The following TMC2 variants were observed in gnomAD, a reference collection of about 807,000 sequenced individuals.
TMC2 encodes transmembrane channel-like protein 2.
Under a neutral mutation model 105.9 loss-of-function variants are expected in TMC2, and 102 were observed. The ratio of observed to expected loss-of-function variants is 0.96; its 90% CI spans 0.82 to 1.14. The LOEUF (loss-of-function observed/expected upper bound fraction) is 1.14. Among genes scored for constraint, TMC2 ranks in the 50% most tolerant of loss-of-function variants. The probability of loss-of-function intolerance (pLI) is 0.00; values close to 1 mark genes in which losing one functional copy is unlikely to be tolerated. For missense variants in TMC2, 1,093 were observed against 1,134.3 expected (o/e 0.96, Z 0.52); for synonymous variants, 402 against 422.8 (o/e 0.95, Z 0.60).
At position 2,606,888 on chromosome 20, in the gene TMC2, TTTC is replaced by T. The variant is rs1408076773; in HGVS notation, c.1414-3528_1414-3526del. 1.2e-3 allele frequency among the ~76,000 whole-genome samples: 123 copies of T among 102,262 alleles called. 4 individuals carry two copies. Among genetic ancestry groups the T allele is most frequent in the African/African-American group, 6.2e-3 (113 of 18,234 alleles). 67.1% of individuals were successfully genotyped at this position (102,262 alleles called of 152,430 possible). A position where few individuals can be genotyped will look rare whatever the true frequency, so the allele number is the denominator to read the frequency against. On this transcript the variant is annotated intron_variant, in intron 11 of 19. Transcript: ENST00000358864. ...AATATAGTTTTCCCTTAATTTCTTT[TTTC>T]TTTTTTTTTTTTTTTTTTTGCAGTA...
intron 5 of TMC2, among the ~76,000 whole-genome samples, chr20:2,573,592 A>G (rs1386044908): frequency 1.7e-5 from 2 of 116,654 alleles, no homozygotes; most frequent in Admixed American, 1.2e-4. Flanking sequence ...ACGGAGTCTC[A>G]CTCTGTTGCC....
At position 2,641,309 on chromosome 20, in the gene TMC2, G is replaced by A. The variant is rs376146430; in HGVS notation, c.2679G>A (p.Trp893Ter). The change falls in exon 20 of 20, where the codon TGG (tryptophan) becomes TGA (stop). Residue 893 changes from tryptophan (W) to a stop codon, truncating the protein, a stop_gained. Coordinates refer to ENST00000358864, the MANE Select transcript of TMC2 (RefSeq NM_080751.3). LOFTEE classifies it high-confidence loss of function. The stretch of plus-strand genomic sequence containing the variant: ...ACGCCCCATCTCAGACTCATCCGTG[G>A]AGGTCAGCCTCTGGAAAGAGTGCTC... ...SGHAPSQTHP[W>*]RSASGKSAQR... 3.1e-6 allele frequency: 5 copies of A among 1,613,976 alleles called. No individual in the cohort carries two copies. The highest frequency in any genetic ancestry group is 1.3e-5 in the African/African-American group (1 of 74,918).
intron 11 of TMC2, among the ~76,000 whole-genome samples, chr20:2,605,636 AT>A (rs2086385369): frequency 6.6e-6 from 1 of 152,200 alleles, no homozygotes; most frequent in Admixed American, 6.5e-5. Context: ...CAAGATACAA[AT>A]TTGTGGGAGG....
intron 1 of TMC2, 31 bp downstream of exon 1, chr20:2,536,686 G>A (rs1235829461): frequency 3.3e-5 from 51 of 1,562,382 alleles, no homozygotes; most frequent in Middle Eastern, 1.7e-4. Flanking sequence ...TGCGGGGCCC[G>A]CCCACAGGGT....
At chr20:2,553,871 T>C (rs1348768413) in intron 2 of TMC2, among the ~76,000 whole-genome samples, 1 of 152,118 alleles carries the variant, frequency 6.6e-6, no homozygotes, top group East Asian at 1.9e-4. Flanking sequence ...GCAATACTCC[T>C]TTATTATCCT....
intron 7 of TMC2, among the ~76,000 whole-genome samples, chr20:2,588,951 C>A (rs1259381501): frequency 6.6e-6 from 1 of 152,076 alleles, no homozygotes; most frequent in Non-Finnish European, 1.5e-5. Context: ...TTTATAGTTT[C>A]CAGTTCTCTA....
intron 16 of TMC2, among the ~76,000 whole-genome samples, chr20:2,623,531 C>T (rs1170667604): frequency 1.3e-5 from 2 of 149,686 alleles, no homozygotes; most frequent in South Asian, 4.2e-4. Flanking sequence ...GAGTGAGACT[C>T]CATCAAAAAA....
intron 17 of TMC2, among the ~76,000 whole-genome samples, chr20:2,624,687 C>T (rs1043005837): frequency 2.6e-5 from 4 of 152,092 alleles, no homozygotes; most frequent in Non-Finnish European, 5.9e-5. Flanking sequence ...CAGCTCCCAG[C>T]GTCATTCATG....
rs1013499047 is a variant in TMC2, at chr20:2,537,322, A to G, written c.82+6A>G. 1 of 1,597,488 alleles carries G rather than the reference A, an allele frequency of 6.3e-7. No homozygotes were observed. Among genetic ancestry groups the G allele is most frequent in the Non-Finnish European group, 8.5e-7 (1 of 1,172,094 alleles). ...GAGCGGCTCTCCACACACAGGTGAG[A>G]TGGGGTGGTGGGGTCTCTGGGGAGC... On this transcript the variant is annotated splice_donor_region_variant and intron_variant, in intron 2 of 19. Transcript: ENST00000358864.
intron 4 of TMC2, among the ~76,000 whole-genome samples, chr20:2,563,316 C>T (rs79221396): frequency 0.06 from 9,199 of 152,252 alleles, 421 homozygotes; most frequent in East Asian, 0.21. Flanking sequence ...ATTATTACGT[C>T]ATCTCCTATA....
intron 3 of TMC2, among the ~76,000 whole-genome samples, chr20:2,561,410 C>A (rs1038788415): frequency 6.6e-6 from 1 of 152,162 alleles, no homozygotes; most frequent in East Asian, 1.9e-4. Flanking sequence ...TGAACAGTGA[C>A]CTTTGAAGAC....
chr20:2,586,847 G>A (rs919319495), intron 7 of TMC2, among the ~76,000 whole-genome samples: 1 of 152,098 alleles, frequency 6.6e-6, no homozygotes, highest in African/African-American at 2.4e-5. Flanking sequence ...TACCATTTTA[G>A]TTGCATGCCA....
At position 2,637,489 on chromosome 20, in the gene TMC2, A is replaced by G; in HGVS notation, c.2401A>G (p.Lys801Glu). Residue 801 changes from lysine to glutamate, a missense_variant, in exon 19 of 20, where the codon AAG (lysine) becomes GAG (glutamate). Transcript: ENST00000358864. The stretch of plus-strand genomic sequence containing the variant: ...TTTCCTGCAGCTCCGTGAAGTTGAG[A>G]AGAGTCACAAATCTGTAAAAGGCAA... ...KKIQVLREVE[K>E]SHKSVKGKAT... is the part of the protein sequence containing the mutation. 6.2e-7 allele frequency: 1 copy of G among 1,613,464 alleles called. No individual in the cohort carries two copies. The highest frequency in any genetic ancestry group is 8.5e-7 in the Non-Finnish European group (1 of 1,179,488).
intron 2 of TMC2, among the ~76,000 whole-genome samples, chr20:2,551,180 A>G (rs1306087570): frequency 6.6e-6 from 1 of 152,144 alleles, no homozygotes; most frequent in Non-Finnish European, 1.5e-5. Flanking sequence ...ATAGTATTTC[A>G]TTGATGTTTT....
In TMC2 at chr20:2,594,833, C is replaced by T; in HGVS notation, c.942C>T (p.Ile314=). The T allele has an allele frequency of 6.2e-7, 1 of 1,614,088 alleles. No individual in the cohort carries two copies. Among genetic ancestry groups the T allele is most frequent in the South Asian group, 1.1e-5 (1 of 91,068 alleles). ...GCTTTGCTGTCCCCCAGGGCTATAT[C>T]AAGTACTCTGCACTCTTCTATGGCT... ...FSVLWDFEGY[I]KYSALFYGYY... The change falls in exon 9 of 20, where the codon ATC becomes ATT. Residue 314 remains isoleucine (I), a synonymous_variant. Transcript: ENST00000358864.
chr20:2,538,753 T>G (rs577287067), intron 2 of TMC2, among the ~76,000 whole-genome samples: 22 of 152,342 alleles, frequency 1.4e-4, no homozygotes, highest in African/African-American at 4.3e-4. Context: ...TGGTCAGAAT[T>G]TTCACTTCAC....
chr20:2,602,177 G>T lies in TMC2; in HGVS notation c.1289G>T (p.Arg430Leu), dbSNP rs751351988. Residue 430 changes from arginine (R) to leucine (L), a missense_variant, in exon 11 of 20, where the codon CGT (arginine) becomes CTT (leucine). Arg to Leu is a moderately radical substitution (Grantham distance 102, BLOSUM62 -2). Transcript: ENST00000358864. ...AATATCCATCTGACAAGATTTCTTC[G>T]TGTCCTGGCCAACTTTCTCATCATC... is the stretch of plus-strand genomic sequence containing the variant. ...EENIHLTRFLRVLANFLIICC... is the reference protein window; with the variant it reads ...EENIHLTRFLLVLANFLIICC... The T allele has an allele frequency of 2.5e-6, 4 of 1,613,306 alleles. No individual in the cohort carries two copies. The highest frequency in any genetic ancestry group is 3.4e-6 in the Non-Finnish European group (4 of 1,179,672).
intron 10 of TMC2, among the ~76,000 whole-genome samples, chr20:2,598,767 T>C (rs1446919318): frequency 1.3e-5 from 2 of 152,078 alleles, no homozygotes; most frequent in Admixed American, 1.3e-4. Context: ...TCATGTGAAG[T>C]GCTGCTGACA....
chr20:2,581,601 T>C (rs73572209), intron 7 of TMC2, among the ~76,000 whole-genome samples: 2,354 of 152,308 alleles, frequency 0.015, 63 homozygotes, highest in African/African-American at 0.052. Context: ...CGGTAGTCAA[T>C]GGGGAAATTT....
Sources: gnomAD v4.1 joint callset for allele counts (sites outside exome capture counted in the v4.1 genomes callset) on GRCh38, gnomAD v4.1.1 for gene constraint, MANE v1.5 for transcripts, NCBI Gene and HGNC (gene_info 2026-07-23, HGNC 2026-07-21) for gene names.